VAV1: variants seen among roughly 807,000 people sequenced by gnomAD.
VAV1 encodes the protein proto-oncogene vav.
In VAV1, 33 loss-of-function variants were observed where a neutral mutation model predicts 128.1. The observed-to-expected ratio is 0.26, with a 90% CI of 0.20 to 0.34. VAV1 has a LOEUF of 0.34. VAV1 is among the 10% of genes least tolerant of loss of function. The probability of loss-of-function intolerance (pLI) is 1.00; values close to 1 mark genes in which losing one functional copy is unlikely to be tolerated. For missense variants in VAV1, 715 were observed against 1,093.7 expected, an observed-to-expected ratio of 0.65 and a Z score of 4.88; for synonymous variants, 394 against 409.8, an observed-to-expected ratio of 0.96 and a Z score of 0.47.
At chr19:6,827,259 GTTTGT>G (rs533535715) in intron 9 of VAV1, among the ~76,000 whole-genome samples, 3 of 151,766 alleles carry the variant, frequency 2.0e-5, no homozygotes, top group Non-Finnish European at 2.9e-5. Flanking sequence ...TTGTTTGTTT[GTTTGT>G]TTTGTTTTGT....
intron 1 of VAV1, among the ~76,000 whole-genome samples, chr19:6,808,167 C>T (rs983407896): frequency 1.8e-4 from 28 of 151,904 alleles, no homozygotes; most frequent in African/African-American, 6.0e-4. Flanking sequence ...CAAAAATTAG[C>T]CAGGTGTGGT....
intron 1 of VAV1, among the ~76,000 whole-genome samples, chr19:6,814,690 T>TC (rs1568299311): frequency 1.6e-5 from 2 of 123,212 alleles, no homozygotes; most frequent in African/African-American, 7.4e-5. Context: ...CTTTCTTTCT[T>TC]TCTTTCTTTC....
chr19:6,845,233 A>T (rs920362189), intron 22 of VAV1, among the ~76,000 whole-genome samples: 1 of 152,056 alleles, frequency 6.6e-6, no homozygotes, highest in Non-Finnish European at 1.5e-5. Context: ...ATACAAAAAA[A>T]AATTAGCTGG....
chr19:6,793,401 G>A (rs1232132672), intron 1 of VAV1, among the ~76,000 whole-genome samples: 1 of 152,048 alleles, frequency 6.6e-6, no homozygotes, highest in Admixed American at 6.6e-5. Context: ...AGGGAGCCAA[G>A]ACACCAAAGA....
Position 6,828,804 on chromosome 19 carries a change from C to T in VAV1, c.1180-11C>T, listed in dbSNP as rs764060162. ...GGGAGACCCTTGCTAGACCCCCTGCCTACTGCATAGGACCAGTCTCTGGCT... is the reference window on the plus strand; with the variant it reads ...GGGAGACCCTTGCTAGACCCCCTGCTTACTGCATAGGACCAGTCTCTGGCT... On this transcript the variant is annotated splice_polypyrimidine_tract_variant and intron_variant, in intron 12 of 26. Transcript: ENST00000602142. This position sits in a 1 kb window ranked among gnomAD's most constrained non-coding sequence, Gnocchi z 4.5. 1 of 1,614,186 alleles carries T rather than the reference C, an allele frequency of 6.2e-7. No homozygotes were observed. The highest frequency in any genetic ancestry group is 2.2e-5 in the East Asian group (1 of 44,884).
At chr19:6,827,283 T>G (rs933122272) in intron 9 of VAV1, among the ~76,000 whole-genome samples, 12 of 152,042 alleles carry the variant, frequency 7.9e-5, no homozygotes, top group African/African-American at 2.9e-4. Context: ...GTTTTGTTTT[T>G]TTGAGACAGG....
intron 15 of VAV1, 111 bp downstream of exon 15, chr19:6,832,311 C>T: frequency 2.1e-6 from 2 of 958,598 alleles, no homozygotes; most frequent in Non-Finnish European, 1.6e-6. Flanking sequence ...CCACTCTGAA[C>T]CACAGTCTCT....
chr19:6,787,993 C>T (rs757844799), intron 1 of VAV1, among the ~76,000 whole-genome samples: 32 of 151,748 alleles, frequency 2.1e-4, no homozygotes, highest in Non-Finnish European at 4.6e-4. Context: ...AGGAGAATGG[C>T]GTGAACCTGG....
chr19:6,821,598 T>C (rs1021011687), intron 2 of VAV1, 24 bp from the exon 3 acceptor site: 9 of 1,614,068 alleles, frequency 5.6e-6, no homozygotes, highest in African/African-American at 2.7e-5. Flanking sequence ...AGGGGCTCAC[T>C]GAGTGGCCAC....
rs1041589269 is a variant in VAV1, at chr19:6,834,535, G to A, written c.1777+582G>A. 4.0e-5 allele frequency among the ~76,000 whole-genome samples: 6 copies of A among 149,574 alleles called. No individual in the cohort carries two copies. The Admixed American group carries it at 4.0e-4, about 10-fold the overall frequency. On this transcript the variant is annotated intron_variant, in intron 19 of 26. Coordinates refer to ENST00000602142, the MANE Select transcript of VAV1 (RefSeq NM_005428.4). Reference sequence around the variant, plus strand: ...TGGGATTACAAGCGTGAGCCACTGTGCCCAGCCTTAATTTTAAAAAATTTA... The same window carrying A: ...TGGGATTACAAGCGTGAGCCACTGTACCCAGCCTTAATTTTAAAAAATTTA...
chr19:6,852,958 C>T lies in VAV1; in HGVS notation c.2218-7C>T. Reference sequence around the variant, plus strand: ...GGATAGCATCTGCCATGTGGTCCGCCTTCTAGGAGCTGGTGGAGTTTTACC... The same window carrying T: ...GGATAGCATCTGCCATGTGGTCCGCTTTCTAGGAGCTGGTGGAGTTTTACC... On this transcript the variant is annotated splice_region_variant and splice_polypyrimidine_tract_variant and intron_variant, in intron 24 of 26. Coordinates refer to ENST00000602142, the MANE Select transcript of VAV1 (RefSeq NM_005428.4). 1.2e-6 allele frequency: 2 copies of T among 1,607,010 alleles called. No homozygotes were observed. Among genetic ancestry groups the T allele is most frequent in the Non-Finnish European group, 1.7e-6 (2 of 1,175,474 alleles).
intron 21 of VAV1, among the ~76,000 whole-genome samples, chr19:6,839,067 T>A (rs2144805556): frequency 6.6e-6 from 1 of 152,160 alleles, no homozygotes; most frequent in East Asian, 1.9e-4. Context: ...CACATCTGGC[T>A]AATTTTTGTA....
intron 23 of VAV1, among the ~76,000 whole-genome samples, chr19:6,849,185 G>T (rs1268046738): frequency 6.7e-6 from 1 of 150,298 alleles, no homozygotes; most frequent in African/African-American, 2.5e-5. Flanking sequence ...GGCCATGAAT[G>T]ATCCCAACAC....
At chr19:6,802,868 G>C (rs577759982) in intron 1 of VAV1, among the ~76,000 whole-genome samples, 1 of 152,120 alleles carries the variant, frequency 6.6e-6, no homozygotes, top group South Asian at 2.1e-4. Context: ...TTATTCATTC[G>C]ACAGATTTTA....
intron 1 of VAV1, among the ~76,000 whole-genome samples, chr19:6,809,325 A>AC (rs2144745951): frequency 6.6e-6 from 1 of 152,182 alleles, no homozygotes; most frequent in African/African-American, 2.4e-5. Context: ...CTCCCACCCC[A>AC]CCCAATCCTC....
chr19:6,832,268 C>A, intron 15 of VAV1, 68 bp downstream of exon 15: 1 of 1,442,352 alleles, frequency 6.9e-7, no homozygotes, highest in South Asian at 1.2e-5. Flanking sequence ...GGAACGTGAT[C>A]TAGTCCCTAC....
At chr19:6,805,429 A>G (rs1301604042) in intron 1 of VAV1, among the ~76,000 whole-genome samples, 1 of 151,868 alleles carries the variant, frequency 6.6e-6, no homozygotes, top group African/African-American at 2.4e-5. Flanking sequence ...CATCTCAAAC[A>G]AAACAAAACA....
intron 22 of VAV1, among the ~76,000 whole-genome samples, chr19:6,847,204 G>A (rs111661427): frequency 7.2e-5 from 11 of 152,144 alleles, no homozygotes; most frequent in African/African-American, 2.4e-4. Context: ...GAGCCACAGC[G>A]CCCAGCCAGT....
chr19:6,806,560 T>C (rs934287737), intron 1 of VAV1, among the ~76,000 whole-genome samples: 2 of 152,220 alleles, frequency 1.3e-5, no homozygotes, highest in African/African-American at 4.8e-5. Flanking sequence ...CTCCCACTCA[T>C]GGCAGCAAAG....
Sources: gnomAD v4.1 joint callset for allele counts (sites outside exome capture counted in the v4.1 genomes callset) on GRCh38, gnomAD v4.1.1 for gene constraint, Gnocchi (gnomAD v3.1) non-coding constraint, MANE v1.5 for transcripts, NCBI Gene and HGNC (gene_info 2026-07-23, HGNC 2026-07-21) for gene names.